The following EPRS1 variants were observed in gnomAD, a reference collection of about 807,000 sequenced individuals.
EPRS1 encodes bifunctional glutamate/proline--tRNA ligase.
Under a neutral mutation model 188.3 loss-of-function variants are expected in EPRS1, and 107 were observed. That is an observed-to-expected ratio of 0.57 (90% CI 0.49 to 0.67). The LOEUF is 0.67. Among genes scored for constraint, EPRS1 ranks in the 30% least tolerant of loss-of-function variants. EPRS1 has a pLI of 0.00. For synonymous variants in EPRS1, 596 were observed against 593.1 expected, an observed-to-expected ratio of 1.00 and a Z score of -0.07; for missense variants, 1,577 against 1,802.2, an observed-to-expected ratio of 0.88 and a Z score of 2.26.
Position 220,007,082 on chromosome 1 carries a change from T to C in EPRS1, c.1742+120A>G, listed in dbSNP as rs185203305. ...GTGTCCAGAATTTGCAGTAGCTATG[T>C]CTGGGCAGATTTACTAGTCAGCAAC... On this transcript the variant is annotated intron_variant, in intron 14 of 31. Transcript: ENST00000366923. 192 of 797,800 alleles carry C rather than the reference T, an allele frequency of 2.4e-4. 1 individual carries two copies. In the East Asian group the frequency reaches 4.7e-3, roughly 20 times the overall value. The allele number at this position is 797,800 out of a possible 1,614,324, so 49.4% of individuals were successfully genotyped here.
chr1:219,983,489 G>C (rs1275535269), intron 21 of EPRS1, 91 bp from the exon 22 acceptor site: 3 of 852,928 alleles, frequency 3.5e-6, no homozygotes, highest in Non-Finnish European at 5.5e-6. Flanking sequence ...TTCAAATCTG[G>C]AGGCTTCTAC....
intron 18 of EPRS1, among the ~76,000 whole-genome samples, chr1:219,995,855 C>T (rs982896342): frequency 5.3e-5 from 8 of 152,146 alleles, no homozygotes; most frequent in African/African-American, 1.7e-4. Context: ...GAAGAACTTA[C>T]TGAATTCTCC....
At chr1:219,980,374 G>A in intron 25 of EPRS1, 134 bp from the exon 26 acceptor site, 1 of 637,504 alleles carries the variant, frequency 1.6e-6, no homozygotes. Flanking sequence ...TTATGAAAAG[G>A]TTAAAGCAGC....
Position 219,969,120 on chromosome 1 carries a change from A to T in EPRS1, c.4326T>A (p.Ile1442=). 1 of 1,601,108 alleles carries T rather than the reference A, an allele frequency of 6.2e-7. No homozygotes were observed. The highest frequency in any genetic ancestry group is 1.1e-5 in the South Asian group (1 of 90,774). Reference sequence around the variant, plus strand: ...TTTCCCCACAGAATGGAATCTGAACAATCTAATTAAGAAAAGGAAAAGTAA... The same window carrying T: ...TTTCCCCACAGAATGGAATCTGAACTATCTAATTAAGAAAAGGAAAAGTAA... The part of the protein sequence containing the change: ...DFQKILDSGK[I]VQIPFCGEID... Residue 1442 remains isoleucine, a splice_region_variant and synonymous_variant, in exon 31 of 32, where the codon ATT becomes ATA. Transcript: ENST00000366923.
At chr1:220,041,343 TGA>T (rs991974479) in intron 1 of EPRS1, among the ~76,000 whole-genome samples, 3 of 148,448 alleles carry the variant, frequency 2.0e-5, no homozygotes, top group African/African-American at 7.5e-5. Context: ...AAAAAAAAAA[TGA>T]GAGATACTTT....
At chr1:219,982,986 G>A (rs569809853) in intron 22 of EPRS1, 142 bp from the exon 23 acceptor site, 1 of 792,230 alleles carries the variant, frequency 1.3e-6, no homozygotes, top group Non-Finnish European at 2.1e-6. Context: ...TTCACTGTGA[G>A]GAAAGGTACG....
At chr1:219,990,465 T>G (rs1260719006) in intron 18 of EPRS1, among the ~76,000 whole-genome samples, 1 of 152,160 alleles carries the variant, frequency 6.6e-6, no homozygotes, top group Non-Finnish European at 1.5e-5. Context: ...CTACACTAAG[T>G]GCTTTACGTG....
At chr1:220,030,527 G>A (rs989933609) in intron 5 of EPRS1, 47 bp from the exon 6 acceptor site, 1 of 1,376,632 alleles carries the variant, frequency 7.3e-7, no homozygotes. Context: ...ATGGTTAAAT[G>A]TCTAAGAACA....
chr1:219,991,017 A>C (rs976528989), intron 18 of EPRS1, among the ~76,000 whole-genome samples: 12 of 152,188 alleles, frequency 7.9e-5, no homozygotes, highest in African/African-American at 2.2e-4. Context: ...AACCTATACA[A>C]AAGACTTTGG....
At chr1:219,969,143 T>G (rs1660619985) in intron 30 of EPRS1, 21 bp from the exon 31 acceptor site, 2 of 1,514,462 alleles carry the variant, frequency 1.3e-6, no homozygotes, top group Non-Finnish European at 1.8e-6. Flanking sequence ...AAAGGAAAAG[T>G]AATCAGTATT....
intron 18 of EPRS1, among the ~76,000 whole-genome samples, chr1:219,992,853 G>A (rs1418255092): frequency 6.6e-6 from 1 of 152,180 alleles, no homozygotes; most frequent in African/African-American, 2.4e-5. Context: ...CTTGAACCCA[G>A]GAGGCGGAGG....
Position 220,043,668 on chromosome 1 carries a change from A to G in EPRS1, c.46+2675T>C, listed in dbSNP as rs1443123279. Among the ~76,000 whole-genome samples the G allele has an allele frequency of 2.0e-5, 3 of 152,354 alleles. No homozygotes were observed. In the East Asian group the frequency reaches 5.8e-4, roughly 29 times the overall value. The stretch of plus-strand genomic sequence containing the variant: ...TGATGGGCTGCAATGAAGAACAAGG[A>G]ATAACTACGCTATTCCTGCCAAAAA... On this transcript the variant is annotated intron_variant, in intron 1 of 31. Transcript: ENST00000366923.
intron 23 of EPRS1, chr1:219,982,413 A>AT (rs1318382928): frequency 6.2e-6 from 1 of 161,156 alleles, no homozygotes; most frequent in African/African-American, 2.4e-5. Flanking sequence ...ACCTAAATGT[A>AT]TTATTAAAAT....
intron 12 of EPRS1, among the ~76,000 whole-genome samples, chr1:220,011,487 A>T (rs956541814): frequency 6.6e-6 from 1 of 152,236 alleles, no homozygotes; most frequent in Non-Finnish European, 1.5e-5. Flanking sequence ...TGTTTTCTTT[A>T]ATCAGTGTTA....
intron 10 of EPRS1, 28 bp downstream of exon 10, chr1:220,019,960 T>G (rs1387517988): frequency 6.8e-7 from 1 of 1,480,556 alleles, no homozygotes; most frequent in African/African-American, 1.4e-5. Flanking sequence ...CCTTACTTCT[T>G]GTCAATTCTA....
chr1:220,006,924 T>C (rs1232892502), intron 14 of EPRS1, among the ~76,000 whole-genome samples: 4 of 152,226 alleles, frequency 2.6e-5, no homozygotes, highest in Admixed American at 6.5e-5. Context: ...AGTCCCTTTT[T>C]ATCATGTAAT....
intron 12 of EPRS1, among the ~76,000 whole-genome samples, chr1:220,012,309 C>A (rs1386773175): frequency 6.6e-6 from 1 of 152,060 alleles, no homozygotes; most frequent in South Asian, 2.1e-4. Context: ...AGATTTAATT[C>A]GTGACTGACT....
intron 12 of EPRS1, among the ~76,000 whole-genome samples, chr1:220,017,349 T>G (rs1661741608): frequency 6.6e-6 from 1 of 152,230 alleles, no homozygotes; most frequent in Non-Finnish European, 1.5e-5. Flanking sequence ...ACTATTTGAC[T>G]ATAGTAAAAT....
Position 220,030,432 on chromosome 1 carries a change from C to T in EPRS1, c.577G>A (p.Ala193Thr), listed in dbSNP as rs1299855736. The T allele has an allele frequency of 1.2e-6, 2 of 1,614,028 alleles. No homozygotes were observed. Among genetic ancestry groups the T allele is most frequent in the African/African-American group, 1.3e-5 (1 of 74,926 alleles). Reference protein sequence around the residue: ...DVGKFVELPGAEMGKVTVRFP... With the variant: ...DVGKFVELPGTEMGKVTVRFP... ...CTGACGGTAACCTTTCCCATCTCCG[C>T]ACCTGGAAGCTCAACAAATTTCCCA... The change falls in exon 6 of 32, where the codon GCG becomes ACG. Residue 193 changes from alanine to threonine, a missense_variant. Around this residue, in one of 3 missense-constraint regions of EPRS1, gnomAD observed 1,278 missense variants for 1,457.4 expected, o/e 0.88. Transcript: ENST00000366923.
Sources: allele counts gnomAD v4.1 joint callset (sites outside exome capture counted in the v4.1 genomes callset), GRCh38; gene constraint gnomAD v4.1.1; regional missense constraint gnomAD v4.1.1; transcripts MANE v1.5; gene names NCBI Gene and HGNC (gene_info 2026-07-23, HGNC 2026-07-21).